Variants in TSPAN8 observed in about 807,000 individuals in gnomAD.
TSPAN8 encodes tetraspanin 8.
A neutral mutation model predicts 32.8 loss-of-function variants in TSPAN8; 21 were observed. The ratio of observed to expected loss-of-function variants is 0.64; its 90% CI spans 0.45 to 0.92. TSPAN8 has a LOEUF of 0.92. TSPAN8 is among the 40% of genes least tolerant of loss of function. TSPAN8 has a pLI of 0.00. For synonymous variants in TSPAN8, 95 were observed against 94.6 expected (o/e 1.00, Z -0.03); for missense variants, 269 against 281.9 (o/e 0.95, Z 0.33).
intron 2 of TSPAN8, 145 bp downstream of exon 2, chr12:71,157,474 G>A: frequency 1.7e-6 from 1 of 582,902 alleles, no homozygotes. Flanking sequence ...ACCAAAGAAA[G>A]AACAAACAAA....
At chr12:71,152,315 T>C (rs1190113106) in intron 2 of TSPAN8, among the ~76,000 whole-genome samples, 1 of 152,214 alleles carries the variant, frequency 6.6e-6, no homozygotes, top group Non-Finnish European at 1.5e-5. Context: ...TTCTGCCTTA[T>C]CATATTCTTG....
chr12:71,149,560 C>T (rs866352490), intron 2 of TSPAN8, among the ~76,000 whole-genome samples: 1 of 152,204 alleles, frequency 6.6e-6, no homozygotes, highest in Admixed American at 6.5e-5. Context: ...CATATTGTTG[C>T]AGGAAGTCAG....
intron 6 of TSPAN8, among the ~76,000 whole-genome samples, chr12:71,137,596 TC>T (rs201173318): frequency 0.013 from 979 of 73,886 alleles, 13 homozygotes; most frequent in African/African-American, 0.038. Flanking sequence ...CAAGACTCTG[TC>T]CCCCCCCAAA....
chr12:71,138,917 T>C (rs1376795611), intron 4 of TSPAN8, among the ~76,000 whole-genome samples: 1 of 152,196 alleles, frequency 6.6e-6, no homozygotes, highest in Admixed American at 6.5e-5. Context: ...TAAGTTTAGA[T>C]TAGACCTGAT....
At chr12:71,148,511 G>A (rs1307227320) in intron 2 of TSPAN8, among the ~76,000 whole-genome samples, 1 of 152,132 alleles carries the variant, frequency 6.6e-6, no homozygotes, top group Non-Finnish European at 1.5e-5. Flanking sequence ...TTCTTTCACT[G>A]GGGTAGATCA....
At chr12:71,130,940 A>G (rs750645281) in intron 7 of TSPAN8, among the ~76,000 whole-genome samples, 14 of 152,292 alleles carry the variant, frequency 9.2e-5, no homozygotes, top group South Asian at 2.1e-4. Flanking sequence ...TGAATTTACA[A>G]CCTTCCTTTT....
intron 8 of TSPAN8, among the ~76,000 whole-genome samples, chr12:71,126,486 C>T (rs777354554): frequency 6.6e-6 from 1 of 151,668 alleles, no homozygotes; most frequent in South Asian, 2.1e-4. Flanking sequence ...AAATAGAAGC[C>T]GTCAATTTAT....
chr12:71,154,383 A>C (rs984022668), intron 2 of TSPAN8, among the ~76,000 whole-genome samples: 1 of 150,880 alleles, frequency 6.6e-6, no homozygotes, highest in Admixed American at 6.6e-5. Flanking sequence ...AGCAATGATA[A>C]TATCTGGGTG....
intron 6 of TSPAN8, 147 bp downstream of exon 6, chr12:71,137,806 G>C (rs1871752375): frequency 1.5e-6 from 1 of 681,856 alleles, no homozygotes; most frequent in Non-Finnish European, 2.4e-6. Context: ...AAATATCTTA[G>C]ATTTTTCTTA....
At chr12:71,136,926 A>G (rs1015510068) in intron 6 of TSPAN8, among the ~76,000 whole-genome samples, 2 of 152,164 alleles carry the variant, frequency 1.3e-5, no homozygotes, top group South Asian at 2.1e-4. Context: ...GTAGCAATTA[A>G]TGTTAGCTAT....
chr12:71,135,003 G>T (rs1407071865), intron 6 of TSPAN8, among the ~76,000 whole-genome samples: 2 of 152,134 alleles, frequency 1.3e-5, no homozygotes, highest in East Asian at 3.9e-4. Flanking sequence ...CGAAAGGGGT[G>T]CATTCCATCA....
At position 71,134,718 on chromosome 12, in the gene TSPAN8, T is replaced by C. The variant is rs549609342; in HGVS notation, c.445-1894A>G. Among the ~76,000 whole-genome samples, 10 of 152,324 alleles carry C rather than the reference T, an allele frequency of 6.6e-5. 1 individual carries two copies. The highest frequency in any genetic ancestry group is 2.2e-4 in the African/African-American group (9 of 41,566). ...CTGTCAAATGTAAATTAAATTCCAC[T>C]ATAAAATTTATATTCTCATTTACAG... On this transcript the variant is annotated intron_variant, in intron 6 of 8. Transcript: ENST00000247829.
At chr12:71,139,986 A>G in intron 3 of TSPAN8, 138 bp from the exon 4 acceptor site, 1 of 305,280 alleles carries the variant, frequency 3.3e-6, no homozygotes, top group South Asian at 4.7e-5. Context: ...GATCTTAAAA[A>G]GTACAAATCC....
At chr12:71,134,666 A>T (rs758192766) in intron 6 of TSPAN8, among the ~76,000 whole-genome samples, 3 of 152,212 alleles carry the variant, frequency 2.0e-5, no homozygotes, top group Non-Finnish European at 4.4e-5. Context: ...CATAATCTTG[A>T]GTAGTATTCA....
intron 6 of TSPAN8, 61 bp from the exon 7 acceptor site, chr12:71,132,885 CATTAA>C (rs751607880): frequency 1.8e-5 from 29 of 1,572,274 alleles, no homozygotes; most frequent in Non-Finnish European, 2.5e-5. Context: ...ATTGGCAATA[CATTAA>C]ATTATAATCT....
At chr12:71,143,553 C>A (rs1871977096) in intron 3 of TSPAN8, among the ~76,000 whole-genome samples, 1 of 152,148 alleles carries the variant, frequency 6.6e-6, no homozygotes, top group Non-Finnish European at 1.5e-5. Context: ...TAGCAATAAT[C>A]TGGACATCCC....
At chr12:71,139,876 A>C in intron 3 of TSPAN8, 28 bp from the exon 4 acceptor site, 3 of 1,565,268 alleles carry the variant, frequency 1.9e-6, no homozygotes, top group Non-Finnish European at 2.6e-6. Context: ...TTAATGGCAG[A>C]AAATTTATTT....
At chr12:71,137,370 G>A (rs1006670115) in intron 6 of TSPAN8, among the ~76,000 whole-genome samples, 4 of 152,044 alleles carry the variant, frequency 2.6e-5, no homozygotes, top group Non-Finnish European at 5.9e-5. Flanking sequence ...AGGCTAAGGC[G>A]GGTGGATCAC....
chr12:71,132,909 C>A (rs1421273163), intron 6 of TSPAN8, 85 bp from the exon 7 acceptor site: 2 of 1,475,024 alleles, frequency 1.4e-6, no homozygotes, highest in Non-Finnish European at 9.3e-7. Flanking sequence ...CTTCTGAAAT[C>A]ATTATTAAAG....
Sources: allele counts gnomAD v4.1 joint callset (sites outside exome capture counted in the v4.1 genomes callset), GRCh38; gene constraint gnomAD v4.1.1; transcripts MANE v1.5; gene names NCBI Gene and HGNC (gene_info 2026-07-23, HGNC 2026-07-21).